The following TAFA1 variants were observed in gnomAD, a reference collection of about 807,000 sequenced individuals.
TAFA1 encodes the protein chemokine-like protein TAFA-1.
TAFA1 carries 4 observed loss-of-function variants against 18.5 expected under a neutral mutation model. That is an observed-to-expected ratio of 0.22 (90% confidence interval 0.11 to 0.49). The LOEUF is 0.49. Ranked by LOEUF, TAFA1 falls within the 20% of genes least tolerant of loss-of-function variation. The pLI, the probability that TAFA1 is intolerant of heterozygous loss-of-function variation, is 0.98. For missense variants in TAFA1, 147 were observed against 169.0 expected (o/e 0.87, Z 0.72); for synonymous variants, 56 against 55.2 (o/e 1.01, Z -0.06).
chr3:68,452,585 T>C (rs1196030816), intron 3 of TAFA1, among the ~76,000 whole-genome samples: 4 of 151,544 alleles, frequency 2.6e-5, no homozygotes, highest in African/African-American at 4.8e-5. Flanking sequence ...ACTACTATGC[T>C]TACTCAGCCA....
intron 2 of TAFA1, among the ~76,000 whole-genome samples, chr3:68,079,182 G>C (rs574229278): frequency 6.6e-6 from 1 of 151,994 alleles, no homozygotes; most frequent in Non-Finnish European, 1.5e-5. Flanking sequence ...TTTTATTGCC[G>C]TCTATTTGAT....
chr3:68,537,472 G>A (rs746933892), intron 3 of TAFA1, among the ~76,000 whole-genome samples: 2 of 152,178 alleles, frequency 1.3e-5, no homozygotes, highest in African/African-American at 2.4e-5. Context: ...GAGAGAAAAG[G>A]AGGCCTGGCT....
At chr3:68,250,457 C>G (rs181100030) in intron 2 of TAFA1, among the ~76,000 whole-genome samples, 1 of 152,260 alleles carries the variant, frequency 6.6e-6, no homozygotes, top group Admixed American at 6.5e-5. Context: ...TTACTCCTGG[C>G]TCAGCCTGGG....
chr3:68,338,963 G>C (rs924746531), intron 2 of TAFA1, among the ~76,000 whole-genome samples: 7 of 152,076 alleles, frequency 4.6e-5, no homozygotes, highest in Admixed American at 3.9e-4. Flanking sequence ...ATCTTCCTAG[G>C]GCATAGTCGT....
intron 2 of TAFA1, among the ~76,000 whole-genome samples, chr3:68,255,257 ATAT>A (rs1239488118): frequency 1.3e-5 from 2 of 152,154 alleles, no homozygotes; most frequent in Non-Finnish European, 2.9e-5. Flanking sequence ...TTTTTATTAA[ATAT>A]TATTGTTTCT....
At chr3:68,448,725 G>A (rs2071516179) in intron 3 of TAFA1, among the ~76,000 whole-genome samples, 1 of 152,188 alleles carries the variant, frequency 6.6e-6, no homozygotes, top group Non-Finnish European at 1.5e-5. Context: ...ATGAAAGGCA[G>A]TAGAAAGAAA....
At chr3:68,329,982 ACAT>A (rs71771984) in intron 2 of TAFA1, among the ~76,000 whole-genome samples, 7,659 of 152,300 alleles carry the variant, frequency 0.05, 234 homozygotes, top group African/African-American at 0.086. Flanking sequence ...ACATGCATAC[ACAT>A]TGGATACACA....
chr3:68,379,156 A>G (rs1025516281), intron 2 of TAFA1, among the ~76,000 whole-genome samples: 5 of 152,168 alleles, frequency 3.3e-5, no homozygotes, highest in African/African-American at 9.7e-5. Flanking sequence ...TTTTCTTCAC[A>G]ACCATGCTAG....
intron 2 of TAFA1, among the ~76,000 whole-genome samples, chr3:68,380,273 G>A (rs556208274): frequency 6.6e-6 from 1 of 152,280 alleles, no homozygotes; most frequent in South Asian, 2.1e-4. Flanking sequence ...AATCCTTTGG[G>A]TATATACGCA....
chr3:68,337,007 G>A (rs2068981297), intron 2 of TAFA1, among the ~76,000 whole-genome samples: 1 of 152,218 alleles, frequency 6.6e-6, no homozygotes, highest in African/African-American at 2.4e-5. Context: ...ACAGGCGTGA[G>A]CCACCGTGCC....
intron 2 of TAFA1, among the ~76,000 whole-genome samples, chr3:68,202,348 T>G (rs903445625): frequency 6.6e-6 from 1 of 151,736 alleles, no homozygotes; most frequent in Non-Finnish European, 1.5e-5. Flanking sequence ...AGACCATTGT[T>G]GCTCAAAGTG....
chr3:68,359,802 A>G (rs1249212874), intron 2 of TAFA1, among the ~76,000 whole-genome samples: 1 of 152,010 alleles, frequency 6.6e-6, no homozygotes, highest in East Asian at 1.9e-4. Flanking sequence ...GCTAAAGTTT[A>G]TTTCACTGTC....
At chr3:68,461,929 A>T (rs2071789868) in intron 3 of TAFA1, among the ~76,000 whole-genome samples, 1 of 152,122 alleles carries the variant, frequency 6.6e-6, no homozygotes, top group Non-Finnish European at 1.5e-5. Context: ...GGGTTGCAAC[A>T]AAGATGTTTA....
intron 2 of TAFA1, among the ~76,000 whole-genome samples, chr3:68,016,888 A>G (rs1704580916): frequency 6.6e-6 from 1 of 152,174 alleles, no homozygotes; most frequent in Non-Finnish European, 1.5e-5. Flanking sequence ...TTCTTATTGT[A>G]TGAAAAATAA....
intron 2 of TAFA1, among the ~76,000 whole-genome samples, chr3:68,116,559 G>C (rs971185039): frequency 6.6e-6 from 1 of 152,178 alleles, no homozygotes; most frequent in Non-Finnish European, 1.5e-5. Context: ...AACAAAGGTT[G>C]TTTGACCAGA....
At chr3:68,071,351 C>T (rs1488476286) in intron 2 of TAFA1, among the ~76,000 whole-genome samples, 1 of 152,302 alleles carries the variant, frequency 6.6e-6, no homozygotes, top group Middle Eastern at 3.4e-3. Context: ...CTGGGAAAGA[C>T]CTGCCCCCGT....
At chr3:68,031,000 A>G (rs1050692577) in intron 2 of TAFA1, among the ~76,000 whole-genome samples, 1 of 152,172 alleles carries the variant, frequency 6.6e-6, no homozygotes, top group Non-Finnish European at 1.5e-5. Flanking sequence ...CCAACAAAAA[A>G]GAAATATCAT....
At chr3:68,452,078 A>G (rs1331869594) in intron 3 of TAFA1, among the ~76,000 whole-genome samples, 1 of 152,146 alleles carries the variant, frequency 6.6e-6, no homozygotes. Flanking sequence ...GAGAAAACAA[A>G]AGGACCCAGG....
At chr3:68,114,106 T>C (rs760655290) in intron 2 of TAFA1, among the ~76,000 whole-genome samples, 31 of 151,996 alleles carry the variant, frequency 2.0e-4, no homozygotes, top group Non-Finnish European at 3.7e-4. Context: ...GGTTTCACCA[T>C]GTTGGCCAGG....
Sources: gnomAD v4.1 joint callset for allele counts (sites outside exome capture counted in the v4.1 genomes callset) on GRCh38, gnomAD v4.1.1 for gene constraint, MANE v1.5 for transcripts, NCBI Gene and HGNC (gene_info 2026-07-23, HGNC 2026-07-21) for gene names.